The following STXBP5L variants were observed in gnomAD, a reference collection of about 807,000 sequenced individuals.
The protein encoded by STXBP5L is syntaxin binding protein 5L, also known as syntaxin-binding protein 5-like.
In STXBP5L, 65 loss-of-function variants were observed where a neutral mutation model predicts 144.5. The observed-to-expected ratio is 0.45, with a 90% CI of 0.37 to 0.55. The LOEUF (loss-of-function observed/expected upper bound fraction) is 0.55. Among genes scored for constraint, STXBP5L ranks in the 20% least tolerant of loss-of-function variants. The probability of loss-of-function intolerance (pLI) is 0.00; values close to 1 mark genes in which losing one functional copy is unlikely to be tolerated. For synonymous variants in STXBP5L, 505 were observed against 469.6 expected, an observed-to-expected ratio of 1.08 and a Z score of -0.97; for missense variants, 1,298 against 1,405.5, an observed-to-expected ratio of 0.92 and a Z score of 1.22.
chr3:121,232,817 G>A (rs780369665), intron 11 of STXBP5L, among the ~76,000 whole-genome samples: 16 of 152,136 alleles, frequency 1.1e-4, no homozygotes, highest in South Asian at 2.1e-4. Context: ...TAGTCAGCGC[G>A]TAATAAGTCA....
chr3:121,403,781 C>T (rs915365215), intron 22 of STXBP5L, among the ~76,000 whole-genome samples: 4 of 152,104 alleles, frequency 2.6e-5, no homozygotes, highest in Non-Finnish European at 5.9e-5. Flanking sequence ...ATATCAGCAA[C>T]GTATTACACA....
intron 2 of STXBP5L, among the ~76,000 whole-genome samples, chr3:120,931,735 A>G (rs1409877658): frequency 2.0e-5 from 3 of 152,190 alleles, no homozygotes; most frequent in Non-Finnish European, 4.4e-5. Flanking sequence ...AGGAAACCAA[A>G]CCACAATCCC....
chr3:121,083,587 T>C (rs755553428), intron 5 of STXBP5L, among the ~76,000 whole-genome samples: 9 of 151,912 alleles, frequency 5.9e-5, no homozygotes, highest in Non-Finnish European at 1.2e-4. Flanking sequence ...TGCTTGAACC[T>C]GGGAGGCAGA....
At chr3:120,977,548 A>G (rs980486452) in intron 3 of STXBP5L, among the ~76,000 whole-genome samples, 1 of 152,134 alleles carries the variant, frequency 6.6e-6, no homozygotes, top group African/African-American at 2.4e-5. Flanking sequence ...TTTTACATTG[A>G]AAGTTAATAT....
intron 3 of STXBP5L, among the ~76,000 whole-genome samples, chr3:121,036,968 C>G (rs4048792): frequency 0.12 from 18,203 of 151,560 alleles, 1,157 homozygotes; most frequent in Non-Finnish European, 0.14. Context: ...TCTCTGTCAC[C>G]CAGGCTTGAG....
chr3:120,992,186 C>T (rs1942961962), intron 3 of STXBP5L, among the ~76,000 whole-genome samples: 1 of 151,868 alleles, frequency 6.6e-6, no homozygotes, highest in Admixed American at 6.6e-5. Flanking sequence ...TAATATTTCT[C>T]TGTATTTATG....
intron 5 of STXBP5L, among the ~76,000 whole-genome samples, chr3:121,066,219 C>G (rs2107646538): frequency 6.6e-6 from 1 of 152,172 alleles, no homozygotes; most frequent in East Asian, 1.9e-4. Flanking sequence ...TGGAAAAGAA[C>G]AGTGGTTTTC....
chr3:121,032,667 A>G (rs1946456520), intron 3 of STXBP5L, among the ~76,000 whole-genome samples: 2 of 118,040 alleles, frequency 1.7e-5, no homozygotes, highest in African/African-American at 3.3e-5. Context: ...TTCGCAACCT[A>G]CTCATCTGAC....
chr3:121,197,182 GGCT>G (rs1242252396), intron 9 of STXBP5L, among the ~76,000 whole-genome samples: 1 of 151,914 alleles, frequency 6.6e-6, no homozygotes, highest in Non-Finnish European at 1.5e-5. Flanking sequence ...GATTCCTTAC[GGCT>G]GCTATTTCCA....
chr3:120,966,292 A>G (rs914894678), intron 3 of STXBP5L, among the ~76,000 whole-genome samples: 1 of 152,158 alleles, frequency 6.6e-6, no homozygotes, highest in African/African-American at 2.4e-5. Flanking sequence ...CAACTTGTCA[A>G]AGTCATTCTC....
chr3:120,953,034 A>C (rs914388671), intron 2 of STXBP5L, among the ~76,000 whole-genome samples: 24 of 152,058 alleles, frequency 1.6e-4, no homozygotes, highest in African/African-American at 5.8e-4. Context: ...TCCTGGGCTC[A>C]AGTGATCCAC....
At chr3:121,318,586 T>C in intron 20 of STXBP5L, 46 bp downstream of exon 20, 1 of 1,218,728 alleles carries the variant, frequency 8.2e-7, no homozygotes, top group Non-Finnish European at 1.1e-6. Flanking sequence ...TTCACTGCAG[T>C]AATCTGTTGC....
At chr3:121,363,733 T>G (rs1400705727) in intron 20 of STXBP5L, among the ~76,000 whole-genome samples, 17 of 152,192 alleles carry the variant, frequency 1.1e-4, no homozygotes, top group Admixed American at 1.1e-3. Flanking sequence ...CACCTGATTC[T>G]TGGTTCTTAT....
intron 5 of STXBP5L, among the ~76,000 whole-genome samples, chr3:121,108,583 T>A (rs1454420536): frequency 1.3e-5 from 2 of 152,184 alleles, no homozygotes; most frequent in Non-Finnish European, 2.9e-5. Context: ...TCGTGGTAGA[T>A]AAACTTTTTG....
intron 20 of STXBP5L, among the ~76,000 whole-genome samples, chr3:121,325,564 A>G (rs2044116639): frequency 6.6e-6 from 1 of 152,058 alleles, no homozygotes; most frequent in African/African-American, 2.4e-5. Flanking sequence ...AAATGTTTTA[A>G]CAAAGAAATT....
chr3:121,396,637 G>A (rs2046736958), intron 22 of STXBP5L, among the ~76,000 whole-genome samples: 2 of 152,254 alleles, frequency 1.3e-5, no homozygotes, highest in Admixed American at 1.3e-4. Flanking sequence ...CATTTGGTAA[G>A]TTGGGCATCA....
chr3:121,391,179 T>C (rs768740015), intron 22 of STXBP5L, among the ~76,000 whole-genome samples: 22 of 152,188 alleles, frequency 1.4e-4, no homozygotes, highest in Admixed American at 2.6e-4. Context: ...TGATTGAATC[T>C]ACTATTGAAG....
chr3:121,105,090 G>A (rs956909401), intron 5 of STXBP5L, among the ~76,000 whole-genome samples: 8 of 152,024 alleles, frequency 5.3e-5, no homozygotes. Flanking sequence ...GACATGAATA[G>A]ACAGTTCTCA....
At chr3:121,095,117 C>T (rs1033081990) in intron 5 of STXBP5L, among the ~76,000 whole-genome samples, 35 of 152,172 alleles carry the variant, frequency 2.3e-4, no homozygotes, top group Non-Finnish European at 4.3e-4. Context: ...TATTGGCCCC[C>T]AGTGTCTTCT....
Sources: allele counts gnomAD v4.1 joint callset (sites outside exome capture counted in the v4.1 genomes callset), GRCh38; gene constraint gnomAD v4.1.1; transcripts MANE v1.5; gene names NCBI Gene and HGNC (gene_info 2026-07-23, HGNC 2026-07-21).